PPP1R14C: variants seen among roughly 807,000 people sequenced by gnomAD.
PPP1R14C encodes protein phosphatase 1 regulatory subunit 14C.
A neutral mutation model predicts 20.4 loss-of-function variants in PPP1R14C; 16 were observed. The observed-to-expected ratio is 0.78, with a 90% CI of 0.53 to 1.19. The LOEUF (loss-of-function observed/expected upper bound fraction) is 1.19. Among genes scored for constraint, PPP1R14C ranks in the 50% most tolerant of loss-of-function variants. PPP1R14C has a pLI of 0.00. For missense variants in PPP1R14C, 211 were observed against 220.1 expected (o/e 0.96, Z 0.26); for synonymous variants, 91 against 91.0 (o/e 1.00, Z 0.00).
At chr6:150,212,934 C>T (rs541415321) in intron 1 of PPP1R14C, among the ~76,000 whole-genome samples, 12 of 152,310 alleles carry the variant, frequency 7.9e-5, no homozygotes, top group South Asian at 6.2e-4. Context: ...GTTTGCCCAA[C>T]GATGCTCCTA....
At chr6:150,164,228 A>C (rs1777401311) in intron 1 of PPP1R14C, among the ~76,000 whole-genome samples, 1 of 152,136 alleles carries the variant, frequency 6.6e-6, no homozygotes, top group Non-Finnish European at 1.5e-5. Context: ...AAAAACAACA[A>C]CTTTGGGTTT....
intron 1 of PPP1R14C, among the ~76,000 whole-genome samples, chr6:150,167,080 C>T (rs572065514): frequency 1.3e-5 from 2 of 148,322 alleles, no homozygotes; most frequent in East Asian, 4.0e-4. Flanking sequence ...AAAATACAAA[C>T]ATTAGGCCGG....
intron 1 of PPP1R14C, among the ~76,000 whole-genome samples, chr6:150,177,494 C>T (rs1777575756): frequency 6.6e-6 from 1 of 152,332 alleles, no homozygotes; most frequent in East Asian, 1.9e-4. Flanking sequence ...AGCACGTTCT[C>T]AGGCCTGGCC....
chr6:150,226,839 ATT>A (rs1371101444), intron 3 of PPP1R14C, among the ~76,000 whole-genome samples: 6 of 152,160 alleles, frequency 3.9e-5, no homozygotes, highest in African/African-American at 1.2e-4. Context: ...GGCAAAAGGC[ATT>A]TCTGGGTTCC....
At chr6:150,229,564 T>C (rs535797582) in intron 3 of PPP1R14C, among the ~76,000 whole-genome samples, 5 of 152,096 alleles carry the variant, frequency 3.3e-5, no homozygotes, top group Non-Finnish European at 7.4e-5. Flanking sequence ...CCAAGAACAA[T>C]GGACTGAATC....
intron 1 of PPP1R14C, among the ~76,000 whole-genome samples, chr6:150,209,269 TC>T (rs1336674814): frequency 4.6e-5 from 7 of 152,200 alleles, no homozygotes; most frequent in African/African-American, 7.2e-5. Flanking sequence ...CCATGATCCA[TC>T]TTCAGGTGAG....
Position 150,185,912 on chromosome 6 carries a change from G to T in PPP1R14C, c.307-28832G>T, listed in dbSNP as rs978726316. 6.6e-6 allele frequency among the ~76,000 whole-genome samples: 1 copy of T among 152,160 alleles called. No homozygotes were observed. The highest frequency in any genetic ancestry group is 1.5e-5 in the Non-Finnish European group (1 of 68,028). On this transcript the variant is annotated intron_variant, in intron 1 of 3. Coordinates refer to ENST00000361131, the MANE Select transcript of PPP1R14C (RefSeq NM_030949.3). This position sits in a 1 kb window ranked among gnomAD's most constrained non-coding sequence, Gnocchi z 4.1. ...CAAGGGTCAGGCGTGGCACCTATCG[G>T]CTCCTAAAGCCTCTACCAGGAAGTG...
chr6:150,151,059 C>G (rs1481756031), intron 1 of PPP1R14C, among the ~76,000 whole-genome samples: 1 of 151,066 alleles, frequency 6.6e-6, no homozygotes. Context: ...TTTTTTTTTC[C>G]TTCACTCCTG....
chr6:150,195,567 G>A lies in PPP1R14C; in HGVS notation c.307-19177G>A, dbSNP rs570102447. On this transcript the variant is annotated intron_variant, in intron 1 of 3. Coordinates refer to ENST00000361131, the MANE Select transcript of PPP1R14C (RefSeq NM_030949.3). Reference sequence around the variant, plus strand: ...TCACCATGTTGCCCAGGCTGGTCTTGAGCTGAAAGTGATCTGCCCACCTTG... The same window carrying A: ...TCACCATGTTGCCCAGGCTGGTCTTAAGCTGAAAGTGATCTGCCCACCTTG... Among the ~76,000 whole-genome samples the A allele has an allele frequency of 2.3e-3, 346 of 152,258 alleles. 1 individual carries two copies. Among genetic ancestry groups the A allele is most frequent in the African/African-American group, 6.9e-3 (288 of 41,560 alleles).
intron 1 of PPP1R14C, among the ~76,000 whole-genome samples, chr6:150,161,566 C>T (rs1037281371): frequency 2.0e-5 from 3 of 152,240 alleles, no homozygotes; most frequent in Non-Finnish European, 2.9e-5. Context: ...CCTACTCCAA[C>T]AGAGACAAAC....
chr6:150,159,197 C>T (rs1777337724), intron 1 of PPP1R14C, among the ~76,000 whole-genome samples: 1 of 152,140 alleles, frequency 6.6e-6, no homozygotes, highest in Non-Finnish European at 1.5e-5. Context: ...GAGTCATGGA[C>T]CGTATACTGA....
intron 1 of PPP1R14C, among the ~76,000 whole-genome samples, chr6:150,160,564 CGCCCAGTA>C (rs1316025219): frequency 2.1e-4 from 32 of 151,930 alleles, no homozygotes; most frequent in African/African-American, 7.7e-4. Flanking sequence ...TGAGCCACCG[CGCCCAGTA>C]GCTCATTCTT....
At chr6:150,244,340 C>T (rs1222484033) in intron 3 of PPP1R14C, among the ~76,000 whole-genome samples, 2 of 152,208 alleles carry the variant, frequency 1.3e-5, no homozygotes, top group Non-Finnish European at 2.9e-5. Context: ...CCTCTTTCTG[C>T]TAGAAACACT....
intron 1 of PPP1R14C, among the ~76,000 whole-genome samples, chr6:150,151,333 T>A (rs1185353329): frequency 6.6e-6 from 1 of 152,170 alleles, no homozygotes; most frequent in Non-Finnish European, 1.5e-5. Context: ...TGTGCACAGT[T>A]GTCCCAGCCC....
intron 1 of PPP1R14C, among the ~76,000 whole-genome samples, chr6:150,167,148 C>G (rs1343814243): frequency 6.6e-6 from 1 of 152,206 alleles, no homozygotes; most frequent in Non-Finnish European, 1.5e-5. Flanking sequence ...GGGCGGATCA[C>G]TTGAGGTCAG....
chr6:150,151,251 A>G (rs1203737915), intron 1 of PPP1R14C, among the ~76,000 whole-genome samples: 1 of 152,150 alleles, frequency 6.6e-6, no homozygotes, highest in African/African-American at 2.4e-5. Flanking sequence ...ACTGGTCTGA[A>G]AATGAGTTTC....
At chr6:150,206,751 G>T (rs1777956469) in intron 1 of PPP1R14C, among the ~76,000 whole-genome samples, 2 of 152,182 alleles carry the variant, frequency 1.3e-5, no homozygotes, top group African/African-American at 2.4e-5. Context: ...GCTCTCCTGG[G>T]TGACAAGAAA....
intron 1 of PPP1R14C, among the ~76,000 whole-genome samples, chr6:150,160,328 G>A (rs942801832): frequency 7.2e-6 from 1 of 138,314 alleles, no homozygotes; most frequent in Non-Finnish European, 1.5e-5. Flanking sequence ...GCAGTGGCGC[G>A]ATCTCGGCTC....
intron 3 of PPP1R14C, among the ~76,000 whole-genome samples, chr6:150,217,251 A>G (rs1257660396): frequency 6.8e-6 from 1 of 147,148 alleles, no homozygotes; most frequent in African/African-American, 2.5e-5. Flanking sequence ...GTTGGAGTGC[A>G]GTGGTGTGAT....
Sources: gnomAD v4.1 joint callset for allele counts (sites outside exome capture counted in the v4.1 genomes callset) on GRCh38, gnomAD v4.1.1 for gene constraint, Gnocchi (gnomAD v3.1) non-coding constraint, MANE v1.5 for transcripts, NCBI Gene and HGNC (gene_info 2026-07-23, HGNC 2026-07-21) for gene names.